Variants in KCNV2 observed in about 807,000 individuals in gnomAD.
KCNV2 encodes the protein potassium voltage-gated channel subfamily V member 2.
Under a neutral mutation model 37.0 loss-of-function variants are expected in KCNV2, and 65 were observed. The observed-to-expected ratio is 1.76, with a 90% confidence interval of 1.44 to 2.16. The LOEUF is 2.16. Among genes scored for constraint, KCNV2 ranks in the 30% most tolerant of loss-of-function variants. The pLI, the probability that KCNV2 is intolerant of heterozygous loss-of-function variation, is 0.00. For synonymous variants in KCNV2, 518 were observed against 328.6 expected (o/e 1.58, Z -6.23); for missense variants, 1,232 against 766.7 (o/e 1.61, Z -7.17).
intron 1 of KCNV2, among the ~76,000 whole-genome samples, chr9:2,722,233 A>T (rs1012416508): frequency 7.0e-6 from 1 of 142,740 alleles, no homozygotes; most frequent in African/African-American, 2.6e-5. Flanking sequence ...ATTTATTTAT[A>T]AATAAATTAG....
rs749701939 is a variant in KCNV2 at position 2,717,767 on chromosome 9, T to G, written c.28T>G (p.Ser10Ala). The G allele has an allele frequency of 1.9e-6, 3 of 1,614,030 alleles. No homozygotes were observed. The highest frequency in any genetic ancestry group is 8.5e-7 in the Non-Finnish European group (1 of 1,180,030). Residue 10 changes from serine to alanine, a missense_variant, in exon 1 of 2, where the codon TCC becomes GCC. Ser to Ala is a moderately conservative substitution (Grantham distance 99). Transcript: ENST00000382082. ...GCTCAAACAGAGTGAGAGGAGACGG[T>G]CCTGGAGCTACAGGCCCTGGAACAC... Reference protein sequence around the residue: MLKQSERRRSWSYRPWNTTE... With the variant: MLKQSERRRAWSYRPWNTTE...
chr9:2,718,792 G>A lies in KCNV2; in HGVS notation c.1053G>A (p.Leu351=), dbSNP rs750359924. ...TCCTGCCGCTCTACCTTCAGCTGCTGCTCGAGTGCTTCACGGGCGAGGGCC... is the reference window on the plus strand; with the variant it reads ...TCCTGCCGCTCTACCTTCAGCTGCTACTCGAGTGCTTCACGGGCGAGGGCC... ...VAILPLYLQL[L]LECFTGEGHQ... is the part of the protein sequence containing the mutation. Residue 351 remains leucine, a synonymous_variant, in exon 1 of 2, where the codon CTG becomes CTA. Coordinates refer to ENST00000382082, the MANE Select transcript of KCNV2 (RefSeq NM_133497.4). 6.2e-7 allele frequency: 1 copy of A among 1,610,802 alleles called. No individual in the cohort carries two copies. Among genetic ancestry groups the A allele is most frequent in the Admixed American group, 1.7e-5 (1 of 60,032 alleles).
intron 1 of KCNV2, 97 bp from the exon 2 acceptor site, chr9:2,729,349 A>G: frequency 1.5e-6 from 2 of 1,344,826 alleles, no homozygotes; most frequent in Non-Finnish European, 1.1e-6. Flanking sequence ...TCCCATGTGT[A>G]CCCACAGGGA....
chr9:2,727,232 G>A (rs1036431121), intron 1 of KCNV2, among the ~76,000 whole-genome samples: 7 of 147,954 alleles, frequency 4.7e-5, no homozygotes, highest in Non-Finnish European at 1.0e-4. Context: ...TCAATGACAA[G>A]AAACACACAC....
Position 2,722,011 on chromosome 9 carries a change from GTATTTATTTATAAATAAATTAGAAGT to G in KCNV2, c.1356+2950_1356+2975del, listed in dbSNP as rs1563797583. On this transcript the variant is annotated intron_variant, in intron 1 of 1. Transcript: ENST00000382082. ...TGGGGCACATACCCATGATAAATGT[GTATTTATTTATAAATAAATTAGAAGT>G]TATTTATTTATAAATAAATTAGAAG... 6.6e-4 allele frequency among the ~76,000 whole-genome samples: 89 copies of G among 134,480 alleles called. 1 individual carries two copies. The highest frequency in any genetic ancestry group is 2.1e-3 in the East Asian group (10 of 4,834). The allele number at this position is 134,480 out of a possible 152,430, so 88.2% of individuals were successfully genotyped here.
chr9:2,726,841 T>C (rs192463498), intron 1 of KCNV2, among the ~76,000 whole-genome samples: 101 of 152,320 alleles, frequency 6.6e-4, no homozygotes, highest in African/African-American at 2.0e-3. Flanking sequence ...TAGATTCTCA[T>C]AGGAGTGGGA....
At chr9:2,727,427 T>C (rs1322497739) in intron 1 of KCNV2, among the ~76,000 whole-genome samples, 3 of 151,616 alleles carry the variant, frequency 2.0e-5, no homozygotes, top group Non-Finnish European at 2.9e-5. Flanking sequence ...AGAACTTAAA[T>C]AAAAAAAAGA....
intron 1 of KCNV2, among the ~76,000 whole-genome samples, chr9:2,724,282 T>C (rs7852190): frequency 0.054 from 8,174 of 152,224 alleles, 756 homozygotes; most frequent in African/African-American, 0.19. Context: ...ACCTTGCCAA[T>C]AGGTGGCACT....
At chr9:2,725,671 T>C (rs1353331808) in intron 1 of KCNV2, among the ~76,000 whole-genome samples, 1 of 152,190 alleles carries the variant, frequency 6.6e-6, no homozygotes, top group East Asian at 1.9e-4. Flanking sequence ...AGATCCATCT[T>C]CACCACCTCT....
rs763381795 is a variant in KCNV2, at chr9:2,718,819, C to T, written c.1080C>T (p.His360=). Residue 360 remains histidine, a synonymous_variant, in exon 1 of 2, where the codon CAC becomes CAT. Coordinates refer to ENST00000382082, the MANE Select transcript of KCNV2 (RefSeq NM_133497.4). ...LLLECFTGEG[H]QRGQTVGSVG... is the part of the protein sequence containing the mutation. ...TCGAGTGCTTCACGGGCGAGGGCCA[C>T]CAACGCGGCCAGACGGTGGGCAGCG... The T allele has an allele frequency of 3.1e-6, 5 of 1,609,974 alleles. No homozygotes were observed. The highest frequency in any genetic ancestry group is 2.7e-5 in the African/African-American group (2 of 74,944).
chr9:2,717,818 C>T lies in KCNV2; in HGVS notation c.79C>T (p.Arg27Cys). The change falls in exon 1 of 2, where the codon CGC becomes TGC. Residue 27 changes from arginine (R) to cysteine (C), a missense_variant. Physicochemically the swap from Arg to Cys is radical, Grantham distance 180. Coordinates refer to ENST00000382082, the MANE Select transcript of KCNV2 (RefSeq NM_133497.4). ...NTTENEGSQHRRSICSLGARS... is the reference protein window; with the variant it reads ...NTTENEGSQHCRSICSLGARS... ...GACGGAGAATGAGGGCAGCCAACAC[C>T]GCAGGAGCATTTGCTCCCTGGGTGC... 7 of 1,614,216 alleles carry T rather than the reference C, an allele frequency of 4.3e-6. No homozygotes were observed. Among genetic ancestry groups the T allele is most frequent in the Non-Finnish European group, 5.9e-6 (7 of 1,180,036 alleles).
chr9:2,717,776 T>C lies in KCNV2; in HGVS notation c.37T>C (p.Tyr13His). 1 of 1,614,160 alleles carries C rather than the reference T, an allele frequency of 6.2e-7. No individual in the cohort carries two copies. The highest frequency in any genetic ancestry group is 2.2e-5 in the East Asian group (1 of 44,876). The change falls in exon 1 of 2, where the codon TAC becomes CAC. Residue 13 changes from tyrosine to histidine, a missense_variant. Tyr to His is a moderately conservative substitution (Grantham distance 83, BLOSUM62 2). Coordinates refer to ENST00000382082, the MANE Select transcript of KCNV2 (RefSeq NM_133497.4). ...KQSERRRSWS[Y>H]RPWNTTENEG... ...GAGTGAGAGGAGACGGTCCTGGAGC[T>C]ACAGGCCCTGGAACACGACGGAGAA... is the stretch of plus-strand genomic sequence containing the variant.
At chr9:2,721,599 G>C (rs571793641) in intron 1 of KCNV2, among the ~76,000 whole-genome samples, 3 of 152,188 alleles carry the variant, frequency 2.0e-5, no homozygotes, top group Non-Finnish European at 4.4e-5. Flanking sequence ...TGAACAGTAA[G>C]TTTTTGAGCA....
rs1349976136 is a variant in KCNV2 at position 2,729,801 on chromosome 9, T to C, written c.*74T>C. 4.7e-6 allele frequency: 7 copies of C among 1,490,172 alleles called. No individual in the cohort carries two copies. In the South Asian group the frequency reaches 6.8e-5, roughly 14 times the overall value. 92.3% of individuals were successfully genotyped at this position (1,490,172 alleles called of 1,614,324 possible). ...ATTGCTCTTTTTTTAATCATTATGA[T>C]TGGCAGCAAAAGGAAATGTGAAGCA... On this transcript the variant is annotated 3_prime_UTR_variant, in exon 2 of 2. Transcript: ENST00000382082.
Position 2,718,292 on chromosome 9 carries a change from C to T in KCNV2, c.553C>T (p.Leu185=), listed in dbSNP as rs780435673. 11 of 1,610,750 alleles carry T rather than the reference C, an allele frequency of 6.8e-6. No individual in the cohort carries two copies. Among genetic ancestry groups the T allele is most frequent in the Non-Finnish European group, 8.5e-6 (10 of 1,179,618 alleles). Residue 185 remains leucine, a synonymous_variant, in exon 1 of 2, where the codon CTG becomes TTG. Coordinates refer to ENST00000382082, the MANE Select transcript of KCNV2 (RefSeq NM_133497.4). ...GLCPRRFLEE[L]GYWGVRLKYT... ...GTGTCCGCGCCGCTTCCTGGAGGAG[C>T]TGGGCTACTGGGGCGTGCGGCTCAA...
At chr9:2,725,887 T>C (rs186858476) in intron 1 of KCNV2, among the ~76,000 whole-genome samples, 2 of 152,332 alleles carry the variant, frequency 1.3e-5, no homozygotes, top group East Asian at 3.9e-4. Flanking sequence ...CCTCATAATA[T>C]ATGGCAGGCC....
rs1431053949 is a variant in KCNV2 at position 2,722,066 on chromosome 9, TTTATAAATAAATTAGAAG to T, written c.1356+2976_1356+2993del. 5.9e-3 allele frequency among the ~76,000 whole-genome samples: 817 copies of T among 139,172 alleles called. 3 individuals carry two copies. The highest frequency in any genetic ancestry group is 0.019 in the Middle Eastern group (5 of 264). 91.3% of individuals were successfully genotyped at this position (139,172 alleles called of 152,430 possible). ...TTATTTATAAATAAATTAGAAGTTA[TTTATAAATAAATTAGAAG>T]TTATTTATAAATAAATTAGAAGTTA... On this transcript the variant is annotated intron_variant, in intron 1 of 1. Coordinates refer to ENST00000382082, the MANE Select transcript of KCNV2 (RefSeq NM_133497.4).
chr9:2,717,873 G>T lies in KCNV2; in HGVS notation c.134G>T (p.Gly45Val), dbSNP rs756190670. The change falls in exon 1 of 2, where the codon GGC becomes GTC. Residue 45 changes from glycine to valine, a missense_variant. Gly to Val is a moderately radical substitution (Grantham distance 109, BLOSUM62 -3). Coordinates refer to ENST00000382082, the MANE Select transcript of KCNV2 (RefSeq NM_133497.4). ...ARSGSQASIH[G>V]WTEGNYNYYI... ...TCCGGCTCCCAGGCCAGCATCCACG[G>T]CTGGACAGAGGGCAACTATAACTAC... is the stretch of plus-strand genomic sequence containing the variant. 4.3e-6 allele frequency: 7 copies of T among 1,614,080 alleles called. No individual in the cohort carries two copies. The East Asian group carries it at 1.6e-4, about 36-fold the overall frequency.
chr9:2,718,525 C>G lies in KCNV2; in HGVS notation c.786C>G (p.Ile262Met). ...TCTCCTCGGTGGCCGCCAAGGCCAT[C>G]GGGGTGGCCTCCAGCACCTTCGTGC... Reference protein sequence around the residue: ...KPFSSVAAKAIGVASSTFVLV... With the variant: ...KPFSSVAAKAMGVASSTFVLV... Residue 262 changes from isoleucine (I) to methionine (M), a missense_variant, in exon 1 of 2, where the codon ATC becomes ATG. By Grantham distance (10) the Ile-to-Met change is conservative. Transcript: ENST00000382082. 1 of 1,611,096 alleles carries G rather than the reference C, an allele frequency of 6.2e-7. No individual in the cohort carries two copies. The highest frequency in any genetic ancestry group is 8.5e-7 in the Non-Finnish European group (1 of 1,179,146).
Sources: allele counts gnomAD v4.1 joint callset (sites outside exome capture counted in the v4.1 genomes callset), GRCh38; gene constraint gnomAD v4.1.1; transcripts MANE v1.5; gene names NCBI Gene and HGNC (gene_info 2026-07-23, HGNC 2026-07-21).